THTPA: variants seen among roughly 807,000 people sequenced by gnomAD.
THTPA encodes the protein thiamine-triphosphatase.
Under a neutral mutation model 16.5 loss-of-function variants are expected in THTPA, and 16 were observed. The observed-to-expected ratio is 0.97, with a 90% confidence interval of 0.66 to 1.47. The LOEUF is 1.47. Ranked by LOEUF, THTPA falls within the 40% of genes most tolerant of loss-of-function variation. The pLI, the probability that THTPA is intolerant of heterozygous loss-of-function variation, is 0.00. For missense variants in THTPA, 281 were observed against 280.9 expected (o/e 1.00, Z 0.00); for synonymous variants, 110 against 115.5 (o/e 0.95, Z 0.30).
At chr14:23,557,335 C>A in intron 1 of THTPA, 31 bp downstream of exon 1, 1 of 1,532,692 alleles carries the variant, frequency 6.5e-7, no homozygotes, top group Non-Finnish European at 8.7e-7. Context: ...TGTGCTTTTC[C>A]TGCTCCCCAC....
the THTPA span, chr14:23,514,414 C>T: frequency 6.6e-6 from 1 of 152,522 alleles, no homozygotes; most frequent in South Asian, 2.1e-4. Flanking sequence ...ATCCCCTTGT[C>T]TGGTCTGTAT....
the THTPA span, among the ~76,000 whole-genome samples, chr14:23,549,201 T>C: frequency 6.6e-6 from 1 of 152,194 alleles, no homozygotes; most frequent in Admixed American, 6.5e-5. Flanking sequence ...CAATTTCTTA[T>C]TAATCACCCC....
chr14:23,554,321 C>CTTA (rs1189639378), upstream of THTPA, among the ~76,000 whole-genome samples: 1 of 152,164 alleles, frequency 6.6e-6, no homozygotes, highest in Non-Finnish European at 1.5e-5. Flanking sequence ...ACCAACAGTG[C>CTTA]TTAACATGGA....
At chr14:23,545,393 T>C in the THTPA span, among the ~76,000 whole-genome samples, 1 of 152,204 alleles carries the variant, frequency 6.6e-6, no homozygotes, top group Admixed American at 6.5e-5. Flanking sequence ...GCTTCCTGTT[T>C]GCTCTCCAAT....
the THTPA span, among the ~76,000 whole-genome samples, chr14:23,527,251 C>G: frequency 6.6e-6 from 1 of 152,238 alleles, no homozygotes; most frequent in South Asian, 2.1e-4. Context: ...TTCAACAACT[C>G]TTCTCAGGAC....
the THTPA span, chr14:23,521,967 A>C: frequency 6.5e-7 from 1 of 1,536,236 alleles, no homozygotes; most frequent in Admixed American, 2.0e-5. Flanking sequence ...TCTGTTTATA[A>C]AGCTAGAAGT....
In THTPA at chr14:23,560,237, ACT is replaced by A. The variant is rs752565773; in HGVS notation, c.*1400_*1401del. The A allele has an allele frequency of 6.2e-7, 1 of 1,612,424 alleles. No individual in the cohort carries two copies. Among genetic ancestry groups the A allele is most frequent in the South Asian group, 1.1e-5 (1 of 90,962 alleles). On this transcript the variant is annotated 3_prime_UTR_variant, in exon 2 of 2. Transcript: ENST00000288014. ...CCTGGAGTCCCCAGGCCACCTCTGA[ACT>A]CTGATCTTTACAAACCTTGGGCACA...
At chr14:23,525,254 C>T in the THTPA span, 28 of 1,535,958 alleles carry the variant, frequency 1.8e-5, no homozygotes, top group African/African-American at 5.5e-5. The surrounding 1 kb of genome is among the most constrained non-coding windows in gnomAD (Gnocchi z 5.9). Context: ...TTCAGGGGCA[C>T]GGGTCCCCCC....
At chr14:23,516,714 G>T in the THTPA span, among the ~76,000 whole-genome samples, 1 of 152,126 alleles carries the variant, frequency 6.6e-6, no homozygotes. Context: ...TGGAAGTAGG[G>T]GTCCACAGAG....
chr14:23,553,321 C>A (rs933829492), upstream of THTPA, among the ~76,000 whole-genome samples: 1 of 152,184 alleles, frequency 6.6e-6, no homozygotes, highest in African/African-American at 2.4e-5. Flanking sequence ...AGAGGCTGGC[C>A]GGGCATGGTG....
chr14:23,529,783 AGAG>A, the THTPA span: 13 of 1,536,292 alleles, frequency 8.5e-6, no homozygotes, highest in East Asian at 2.2e-4. Flanking sequence ...GGATGAAAGA[AGAG>A]GAGATTAAGG....
At chr14:23,551,816 C>T (rs188038365), upstream of THTPA, among the ~76,000 whole-genome samples, 4 of 152,270 alleles carry the variant, frequency 2.6e-5, no homozygotes, top group Non-Finnish European at 5.9e-5. The surrounding 1 kb of genome is among the most constrained non-coding windows in gnomAD (Gnocchi z 5.3). Context: ...TGCAGCGACC[C>T]GCCCGCCGCG....
At chr14:23,526,275 C>T in the THTPA span, 1 of 1,536,306 alleles carries the variant, frequency 6.5e-7, no homozygotes, top group East Asian at 2.4e-5. Flanking sequence ...GGGTCAATGG[C>T]AGCCTTCTTC....
chr14:23,526,917 G>T, the THTPA span: 16 of 1,534,240 alleles, frequency 1.0e-5, no homozygotes, highest in Middle Eastern at 3.4e-4. Context: ...TGTCCAGAGG[G>T]CTTAATGTGG....
At chr14:23,557,327 T>C in intron 1 of THTPA, 23 bp downstream of exon 1, 1 of 1,548,064 alleles carries the variant, frequency 6.5e-7, no homozygotes, top group Non-Finnish European at 8.7e-7. Context: ...GGCCCTTTTG[T>C]GCTTTTCCTG....
At chr14:23,547,322 T>C in the THTPA span, among the ~76,000 whole-genome samples, 1 of 152,382 alleles carries the variant, frequency 6.6e-6, no homozygotes, top group South Asian at 2.1e-4. Flanking sequence ...GGGTCTGGTA[T>C]TGATTTATGA....
the THTPA span, chr14:23,532,816 C>T: frequency 6.5e-7 from 1 of 1,536,566 alleles, no homozygotes; most frequent in Non-Finnish European, 8.7e-7. Context: ...GGAAGTTGGC[C>T]TTGAGCTGGG....
upstream of THTPA, among the ~76,000 whole-genome samples, chr14:23,552,087 C>G (rs1195963374): frequency 6.6e-6 from 1 of 152,032 alleles, no homozygotes; most frequent in African/African-American, 2.4e-5. Flanking sequence ...TTTTTTCATT[C>G]TCTTCTTCCT....
chr14:23,512,058 C>G, the THTPA span, among the ~76,000 whole-genome samples: 1 of 152,158 alleles, frequency 6.6e-6, no homozygotes, highest in African/African-American at 2.4e-5. Flanking sequence ...CCATCCCAAT[C>G]TCTACTTCTC....
Sources: gnomAD v4.1 joint callset for allele counts (sites outside exome capture counted in the v4.1 genomes callset) on GRCh38, gnomAD v4.1.1 for gene constraint, Gnocchi (gnomAD v3.1) non-coding constraint, MANE v1.5 for transcripts, NCBI Gene and HGNC (gene_info 2026-07-23, HGNC 2026-07-21) for gene names.